Variants in FNBP1 observed in about 807,000 individuals in gnomAD.
FNBP1 encodes the protein formin-binding protein 1.
FNBP1 carries 26 observed loss-of-function variants against 90.6 expected under a neutral mutation model. The ratio of observed to expected loss-of-function variants is 0.29; its 90% CI spans 0.21 to 0.40. The LOEUF (loss-of-function observed/expected upper bound fraction) is 0.40. Among genes scored for constraint, FNBP1 ranks in the 10% least tolerant of loss-of-function variants. The pLI, the probability that FNBP1 is intolerant of heterozygous loss-of-function variation, is 1.00. For missense variants in FNBP1, 635 were observed against 768.0 expected, an observed-to-expected ratio of 0.83 and a Z score of 2.05; for synonymous variants, 260 against 265.2, an observed-to-expected ratio of 0.98 and a Z score of 0.19.
intron 2 of FNBP1, among the ~76,000 whole-genome samples, chr9:129,983,439 G>T (rs1344637366): frequency 6.6e-6 from 1 of 152,090 alleles, no homozygotes; most frequent in African/African-American, 2.4e-5. Context: ...TTTATCTCAA[G>T]AACTGCTACA....
At chr9:129,927,472 G>A in intron 7 of FNBP1, 131 bp from the exon 8 acceptor site, 1 of 754,604 alleles carries the variant, frequency 1.3e-6, no homozygotes, top group South Asian at 1.9e-5. Flanking sequence ...GCGGCTCTAA[G>A]TACACGGAGC....
chr9:129,892,393 A>G (rs2131159987), intron 16 of FNBP1, among the ~76,000 whole-genome samples: 1 of 144,008 alleles, frequency 6.9e-6, no homozygotes. Context: ...ACACACACAC[A>G]CACACACACA....
intron 1 of FNBP1, among the ~76,000 whole-genome samples, chr9:130,005,969 A>T (rs1360863861): frequency 1.3e-5 from 2 of 152,168 alleles, no homozygotes; most frequent in Non-Finnish European, 2.9e-5. Context: ...CTGGGTTGAA[A>T]ATGTCTCCTA....
intron 2 of FNBP1, among the ~76,000 whole-genome samples, chr9:129,986,887 T>C (rs187681810): frequency 2.6e-5 from 4 of 152,070 alleles, no homozygotes; most frequent in Admixed American, 6.5e-5. Context: ...GTAAGTAGAA[T>C]AGAAAAAACA....
rs2058770325 is a variant in FNBP1 at position 130,031,187 on chromosome 9, T to C, written c.24+11765A>G. Among the ~76,000 whole-genome samples, 1 of 152,154 alleles carries C rather than the reference T, an allele frequency of 6.6e-6. No individual in the cohort carries two copies. Among genetic ancestry groups the C allele is most frequent in the South Asian group, 2.1e-4 (1 of 4,828 alleles). ...TAAACAGGTTGAGAAATGCAATAGA[T>C]AGAAAGGCTCTCTACTGAAACCCAC... On this transcript the variant is annotated intron_variant, in intron 1 of 16. Transcript: ENST00000446176. The surrounding 1 kb of genome is among the most constrained non-coding windows in gnomAD (Gnocchi z 4.2).
chr9:129,965,773 G>A (rs2048496122), intron 4 of FNBP1, among the ~76,000 whole-genome samples: 1 of 108,880 alleles, frequency 9.2e-6, no homozygotes, highest in Admixed American at 1.0e-4. Flanking sequence ...GGAAGGGAGG[G>A]AAGGGAGGGA....
intron 2 of FNBP1, among the ~76,000 whole-genome samples, chr9:129,986,324 C>G (rs1239209157): frequency 6.6e-6 from 1 of 151,768 alleles, no homozygotes; most frequent in African/African-American, 2.4e-5. Flanking sequence ...TCAAGAATCC[C>G]AATACTATGG....
rs1396144279 is a variant in FNBP1 at position 129,890,328 on chromosome 9, C to T, written c.*211G>A. On this transcript the variant is annotated 3_prime_UTR_variant, in exon 17 of 17. Coordinates refer to ENST00000446176, the MANE Select transcript of FNBP1 (RefSeq NM_015033.3). This position sits in a 1 kb window ranked among gnomAD's most constrained non-coding sequence, Gnocchi z 5.8. ...GACTGACCCGAGCCATGGGGGTGGG[C>T]GCTGGCGAGACTTGTCCCCCACGAG... is the stretch of plus-strand genomic sequence containing the variant. 54 of 593,548 alleles carry T rather than the reference C, an allele frequency of 9.1e-5. No homozygotes were observed. The East Asian group carries it at 1.4e-3, about 16-fold the overall frequency. The allele number at this position is 593,548 out of a possible 1,614,324, so 36.8% of individuals were successfully genotyped here.
At chr9:129,965,045 C>T (rs1331766502) in intron 4 of FNBP1, among the ~76,000 whole-genome samples, 1 of 152,174 alleles carries the variant, frequency 6.6e-6, no homozygotes, top group East Asian at 1.9e-4. Context: ...TTCCTCTAAA[C>T]TCACAGCGTA....
At chr9:129,973,397 G>A (rs2049795365) in intron 4 of FNBP1, among the ~76,000 whole-genome samples, 1 of 152,200 alleles carries the variant, frequency 6.6e-6, no homozygotes, top group Non-Finnish European at 1.5e-5. Flanking sequence ...TGTTTACTAA[G>A]TCAAGTCAGG....
At chr9:129,927,477 C>T (rs1213537585) in intron 7 of FNBP1, 136 bp from the exon 8 acceptor site, 12 of 721,394 alleles carry the variant, frequency 1.7e-5, no homozygotes, top group East Asian at 1.5e-4. Context: ...TCTAAGTACA[C>T]GGAGCCTCCA....
chr9:130,043,043 C>A lies in FNBP1; in HGVS notation c.-68G>T. 2 of 1,215,788 alleles carry A rather than the reference C, an allele frequency of 1.6e-6. No homozygotes were observed. Among genetic ancestry groups the A allele is most frequent in the Non-Finnish European group, 2.1e-6 (2 of 975,598 alleles). The allele number at this position is 1,215,788 out of a possible 1,614,324, so 75.3% of individuals were successfully genotyped here. A position where few individuals can be genotyped will look rare whatever the true frequency, so the allele number is the denominator to read the frequency against. On this transcript the variant is annotated 5_prime_UTR_variant, in exon 1 of 17. Coordinates refer to ENST00000446176, the MANE Select transcript of FNBP1 (RefSeq NM_015033.3). ...CTCTCTGGTCCCCCTCCCCGGCGAT[C>A]CCTTTGCCCCCCGAGATCCCCGCGA...
intron 1 of FNBP1, among the ~76,000 whole-genome samples, chr9:130,027,765 G>A (rs1032073317): frequency 2.6e-5 from 4 of 152,048 alleles, no homozygotes; most frequent in African/African-American, 7.2e-5. Flanking sequence ...TTGAGACCTC[G>A]ACTGAGCTGT....
chr9:130,018,326 T>TC (rs1461650676), intron 1 of FNBP1, among the ~76,000 whole-genome samples: 2 of 152,054 alleles, frequency 1.3e-5, no homozygotes, highest in African/African-American at 4.8e-5. Context: ...AGTGAATAGT[T>TC]CTGTTGCATT....
chr9:129,969,551 T>A (rs1213300221), intron 4 of FNBP1, among the ~76,000 whole-genome samples: 1 of 152,082 alleles, frequency 6.6e-6, no homozygotes, highest in Non-Finnish European at 1.5e-5. Flanking sequence ...CTACTAAAAT[T>A]CCAAATATTT....
intron 11 of FNBP1, among the ~76,000 whole-genome samples, chr9:129,914,755 G>GTGTGTGTATATATATATA (rs71499203): frequency 2.0e-5 from 2 of 98,434 alleles, no homozygotes; most frequent in Non-Finnish European, 4.2e-5. Flanking sequence ...ACATACATAT[G>GTGTGTGTATATATATATA]TCTATATATA....
Position 129,908,876 on chromosome 9 carries a change from T to C in FNBP1, c.1295+14A>G, listed in dbSNP as rs75300207. 0.063 allele frequency: 97,261 copies of C among 1,540,322 alleles called. 3,568 individuals carry two copies. Among genetic ancestry groups the C allele is most frequent in the Non-Finnish European group, 0.073 (81,482 of 1,116,134 alleles). On this transcript the variant is annotated intron_variant, in intron 12 of 16. Coordinates refer to ENST00000446176, the MANE Select transcript of FNBP1 (RefSeq NM_015033.3). ...GCCTTGAATTTCTTAATAAGTCATA[T>C]TGATGCACTATACCTTTGATCCATC...
At chr9:129,975,902 T>TA (rs34630525) in intron 4 of FNBP1, among the ~76,000 whole-genome samples, 62,271 of 73,724 alleles carry the variant, frequency 0.84, 26,472 homozygotes, top group Non-Finnish European at 0.89. Flanking sequence ...GACTCCATCT[T>TA]AAAAAAAAAA....
chr9:130,007,239 CAAAAAAAAAAAAA>C (rs72063140), intron 1 of FNBP1, among the ~76,000 whole-genome samples: 1 of 77,020 alleles, frequency 1.3e-5, no homozygotes, highest in Non-Finnish European at 2.3e-5. Context: ...GAGATCCTGT[CAAAAAAAAAAAAA>C]AAAAAGAAAA....
Sources: gnomAD v4.1 joint callset for allele counts (sites outside exome capture counted in the v4.1 genomes callset) on GRCh38, gnomAD v4.1.1 for gene constraint, Gnocchi (gnomAD v3.1) non-coding constraint, MANE v1.5 for transcripts, NCBI Gene and HGNC (gene_info 2026-07-23, HGNC 2026-07-21) for gene names.